KLHDC4: variants seen among roughly 807,000 people sequenced by gnomAD.
KLHDC4 encodes kelch domain-containing protein 4.
Under a neutral mutation model 62.4 loss-of-function variants are expected in KLHDC4, and 90 were observed. That is an observed-to-expected ratio of 1.44 (90% CI 1.22 to 1.72). The LOEUF (loss-of-function observed/expected upper bound fraction) is 1.72. Among genes scored for constraint, KLHDC4 ranks in the 40% most tolerant of loss-of-function variants. The pLI is 0.00. For synonymous variants in KLHDC4, 386 were observed against 284.4 expected (o/e 1.36, Z -3.59); for missense variants, 1,025 against 699.7 (o/e 1.47, Z -5.25).
At chr16:87,706,670 T>A (rs2034771823), downstream of KLHDC4, among the ~76,000 whole-genome samples, 1 of 152,140 alleles carries the variant, frequency 6.6e-6, no homozygotes, top group Non-Finnish European at 1.5e-5. Context: ...GCGGGGCCCT[T>A]GGGGCCAGTT....
At chr16:87,730,209 C>T (rs2040097279) in intron 6 of KLHDC4, among the ~76,000 whole-genome samples, 1 of 152,256 alleles carries the variant, frequency 6.6e-6, no homozygotes, top group Non-Finnish European at 1.5e-5. Context: ...CCGCCTCAGC[C>T]TCCCAAAGTG....
At chr16:87,701,979 G>A in exon 1 of KLHDC4, 2 of 456,236 alleles carry the variant, frequency 4.4e-6, no homozygotes, top group South Asian at 1.5e-5. Context: ...CATCTTCCTG[G>A]GCCTGCAACA....
chr16:87,718,650 G>C (rs927691907), intron 7 of KLHDC4, among the ~76,000 whole-genome samples: 40 of 151,502 alleles, frequency 2.6e-4, no homozygotes, highest in Admixed American at 2.6e-3. Context: ...CCGCCACCTC[G>C]TCTGGGAAGT....
At chr16:87,747,345 T>C (rs2043190355) in intron 5 of KLHDC4, among the ~76,000 whole-genome samples, 1 of 152,126 alleles carries the variant, frequency 6.6e-6, no homozygotes, top group Admixed American at 6.5e-5. Context: ...TTGCCAAAGA[T>C]AAACAAGCAA....
chr16:87,753,752 G>A (rs1158580882), intron 4 of KLHDC4, among the ~76,000 whole-genome samples: 2 of 149,668 alleles, frequency 1.3e-5, no homozygotes, highest in Non-Finnish European at 3.0e-5. Flanking sequence ...AGTGAGCCAA[G>A]ATCGCGCCAC....
At chr16:87,733,819 C>T (rs1264534838) in intron 5 of KLHDC4, among the ~76,000 whole-genome samples, 1 of 152,156 alleles carries the variant, frequency 6.6e-6, no homozygotes, top group East Asian at 1.9e-4. Flanking sequence ...AATCCACTCC[C>T]TGGGATCCTC....
intron 5 of KLHDC4, among the ~76,000 whole-genome samples, chr16:87,744,041 G>C (rs4843694): frequency 2.0e-5 from 3 of 152,088 alleles, no homozygotes; most frequent in Non-Finnish European, 2.9e-5. Flanking sequence ...CAATTTGGGA[G>C]GCCGAGGGGG....
intron 8 of KLHDC4, among the ~76,000 whole-genome samples, chr16:87,712,849 G>C (rs1334896183): frequency 6.6e-6 from 1 of 152,214 alleles, no homozygotes; most frequent in Admixed American, 6.5e-5. Context: ...CCTGGCCTAG[G>C]CATTGGGTCT....
At chr16:87,714,335 G>C (rs1875294347) in intron 8 of KLHDC4, 163 bp downstream of exon 8, 1 of 151,496 alleles carries the variant, frequency 6.6e-6, no homozygotes, top group African/African-American at 2.4e-5. Context: ...TATGGAGCCT[G>C]TCCCACCCGG....
downstream of KLHDC4, among the ~76,000 whole-genome samples, chr16:87,703,903 C>T (rs1397446152): frequency 2.0e-5 from 3 of 152,218 alleles, no homozygotes; most frequent in Non-Finnish European, 4.4e-5. Flanking sequence ...CAACCTGCGC[C>T]GGGAGCCATC....
exon 1 of KLHDC4, chr16:87,699,544 C>T (rs1048886567): frequency 2.0e-5 from 3 of 152,084 alleles, no homozygotes; most frequent in Admixed American, 2.0e-4. Context: ...AAAAAAAATA[C>T]AAAAATTAGC....
chr16:87,755,132 T>C, intron 4 of KLHDC4, 62 bp downstream of exon 4: 1 of 1,139,378 alleles, frequency 8.8e-7, no homozygotes, highest in South Asian at 1.3e-5. Context: ...CAACTCTCCG[T>C]GTGTCTACCA....
intron 10 of KLHDC4, 137 bp downstream of exon 10, chr16:87,709,128 G>A (rs1257769290): frequency 1.8e-5 from 20 of 1,115,518 alleles, no homozygotes; most frequent in African/African-American, 3.1e-5. Context: ...CAATCTGACC[G>A]TGGAGGCAGG....
chr16:87,737,584 A>G (rs1483381807), intron 5 of KLHDC4, among the ~76,000 whole-genome samples: 1 of 134,220 alleles, frequency 7.5e-6, no homozygotes, highest in African/African-American at 2.9e-5. Context: ...TTCTCTACAA[A>G]TCAGTCTTTT....
intron 6 of KLHDC4, among the ~76,000 whole-genome samples, chr16:87,729,544 C>T (rs2039972176): frequency 6.6e-6 from 1 of 152,130 alleles, no homozygotes. Context: ...GGATAACCAG[C>T]TCCCCTGTGT....
chr16:87,725,094 G>C (rs576490828), intron 7 of KLHDC4, among the ~76,000 whole-genome samples: 1 of 83,330 alleles, frequency 1.2e-5, no homozygotes, highest in South Asian at 4.8e-4. Context: ...CACACATCTG[G>C]GTGACTTGTT....
In KLHDC4 at chr16:87,748,791, C is replaced by T. The variant is rs139836259; in HGVS notation, c.388G>A (p.Gly130Ser). Residue 130 changes from glycine to serine, a missense_variant, in exon 5 of 12, where the codon GGT becomes AGT. Transcript: ENST00000270583. ...CAHQAVVVPQ[G>S]GGQLWVFGGE... ...CCAAAGACCCACAGCTGTCCGCCAC[C>T]TTGAGGCACTACCACCGCCTGTGAA... The T allele has an allele frequency of 6.2e-6, 10 of 1,612,848 alleles. No individual in the cohort carries two copies. The highest frequency in any genetic ancestry group is 7.6e-6 in the Non-Finnish European group (9 of 1,179,740).
chr16:87,717,514 A>G (rs2037238743), intron 7 of KLHDC4, among the ~76,000 whole-genome samples: 1 of 152,232 alleles, frequency 6.6e-6, no homozygotes, highest in Non-Finnish European at 1.5e-5. Context: ...AGTGACCTGA[A>G]TCTCAGGAAG....
At chr16:87,722,972 G>A (rs556969160) in intron 7 of KLHDC4, among the ~76,000 whole-genome samples, 1 of 152,318 alleles carries the variant, frequency 6.6e-6, no homozygotes, top group East Asian at 1.9e-4. Flanking sequence ...AGAGGCGTGT[G>A]CCCACAGTGT....
Sources: allele counts gnomAD v4.1 joint callset (sites outside exome capture counted in the v4.1 genomes callset), GRCh38; gene constraint gnomAD v4.1.1; transcripts MANE v1.5; gene names NCBI Gene and HGNC (gene_info 2026-07-23, HGNC 2026-07-21).